BICD1: variants seen among roughly 807,000 people sequenced by gnomAD.
BICD1 encodes the protein BICD cargo adaptor 1.
BICD1 carries 35 observed loss-of-function variants against 92.5 expected under a neutral mutation model. The observed-to-expected ratio is 0.38, with a 90% CI of 0.29 to 0.50. The LOEUF (loss-of-function observed/expected upper bound fraction) is 0.50, where lower values mean the gene tolerates loss of function less well. BICD1 is among the 20% of genes least tolerant of loss of function. BICD1 has a pLI of 0.93. For synonymous variants in BICD1, 429 were observed against 465.1 expected (o/e 0.92, Z 1.00); for missense variants, 950 against 1,189.8 (o/e 0.80, Z 2.97).
intron 1 of BICD1, among the ~76,000 whole-genome samples, chr12:32,180,636 T>C (rs1944243859): frequency 6.6e-6 from 1 of 151,986 alleles, no homozygotes; most frequent in South Asian, 2.1e-4. Flanking sequence ...GCTCTGGTCT[T>C]GTCAGGTTGC....
chr12:32,129,129 T>G (rs1486057065), intron 1 of BICD1, among the ~76,000 whole-genome samples: 2 of 151,878 alleles, frequency 1.3e-5, no homozygotes, highest in Non-Finnish European at 2.9e-5. Flanking sequence ...GAGATGGGGT[T>G]TCACCATGTT....
rs1197214226 is a variant in BICD1 at position 32,328,475 on chromosome 12, A to T, written c.2020A>T (p.Ile674Phe). The T allele has an allele frequency of 2.5e-6, 4 of 1,614,186 alleles. No homozygotes were observed. In the Admixed American group the frequency reaches 6.7e-5, roughly 27 times the overall value. The change falls in exon 5 of 10, where the codon ATC (isoleucine) becomes TTC (phenylalanine). Residue 674 changes from isoleucine to phenylalanine, a missense_variant. This residue lies in a region of BICD1 where 309 missense variants were observed against 499.4 expected (regional missense o/e 0.62). Transcript: ENST00000652176. This position sits in a 1 kb window ranked among gnomAD's most constrained non-coding sequence, Gnocchi z 4.4. ...DKDKEALMEE[I>F]LKLKSLLSTK... The stretch of plus-strand genomic sequence containing the variant: ...AGACAAGGAAGCCTTAATGGAAGAG[A>T]TCCTCAAGCTAAAGTCCCTGCTGAG...
intron 2 of BICD1, among the ~76,000 whole-genome samples, chr12:32,281,867 G>A (rs771276187): frequency 8.5e-5 from 13 of 152,096 alleles, no homozygotes; most frequent in African/African-American, 3.1e-4. Context: ...TACAAGGAGC[G>A]TGCATGGGGT....
At chr12:32,219,520 C>T (rs539758298) in intron 2 of BICD1, among the ~76,000 whole-genome samples, 6 of 152,098 alleles carry the variant, frequency 3.9e-5, no homozygotes, top group African/African-American at 1.4e-4. Context: ...AAGCAATTAT[C>T]ATTAATAATG....
intron 1 of BICD1, among the ~76,000 whole-genome samples, chr12:32,142,423 A>AC (rs1343006068): frequency 2.1e-5 from 1 of 46,714 alleles, no homozygotes; most frequent in African/African-American, 9.8e-5. Flanking sequence ...AAAAAAAAAA[A>AC]AAAAAAAACA....
intron 5 of BICD1, among the ~76,000 whole-genome samples, chr12:32,330,095 C>T (rs148320343): frequency 2.6e-5 from 4 of 152,204 alleles, no homozygotes; most frequent in East Asian, 1.9e-4. Flanking sequence ...GGGAAAACCA[C>T]GCCCTTATTA....
intron 2 of BICD1, among the ~76,000 whole-genome samples, chr12:32,253,211 G>A (rs191746896): frequency 1.9e-3 from 288 of 152,174 alleles, no homozygotes; most frequent in Admixed American, 3.9e-3. Context: ...TTAGCCATTT[G>A]GATTCCTTTT....
rs202119794 is a variant in BICD1, at chr12:32,377,717, G to A, written c.*90G>A. On this transcript the variant is annotated 3_prime_UTR_variant, in exon 10 of 10. Transcript: ENST00000652176. Reference sequence around the variant, plus strand: ...AAGATCCAGCGGGTGTTTTCTTCTCGGTTGTTAGATGTACAATTGGATTAA... The same window carrying A: ...AAGATCCAGCGGGTGTTTTCTTCTCAGTTGTTAGATGTACAATTGGATTAA... 1.2e-5 allele frequency: 14 copies of A among 1,174,202 alleles called. No homozygotes were observed. The highest frequency in any genetic ancestry group is 1.8e-5 in the Non-Finnish European group (14 of 787,922). 72.7% of individuals were successfully genotyped at this position (1,174,202 alleles called of 1,614,324 possible).
chr12:32,336,617 A>C (rs1054611831), intron 6 of BICD1, among the ~76,000 whole-genome samples: 33 of 152,260 alleles, frequency 2.2e-4, no homozygotes, highest in Non-Finnish European at 4.3e-4. Context: ...TATAAACATT[A>C]TTATTTTGGA....
chr12:32,373,669 G>A (rs2733690), intron 9 of BICD1, among the ~76,000 whole-genome samples: 1 of 151,434 alleles, frequency 6.6e-6, no homozygotes, highest in East Asian at 1.9e-4. Flanking sequence ...TCAGGAGTTC[G>A]AGACTGTCAT....
chr12:32,153,174 T>C (rs9630261), intron 1 of BICD1, among the ~76,000 whole-genome samples: 20,515 of 152,120 alleles, frequency 0.13, 1,406 homozygotes, highest in Middle Eastern at 0.16. Flanking sequence ...CGGTATTTGT[T>C]TTTCTTTTCC....
chr12:32,285,232 G>C (rs10844166), intron 2 of BICD1, among the ~76,000 whole-genome samples: 8,317 of 152,124 alleles, frequency 0.055, 744 homozygotes, highest in African/African-American at 0.19. Context: ...AATTGCTTAG[G>C]CTTTTGCGTG....
chr12:32,306,171 G>T (rs2136219351), intron 4 of BICD1, 49 bp downstream of exon 4: 1 of 1,485,612 alleles, frequency 6.7e-7, no homozygotes, highest in Non-Finnish European at 9.0e-7. Context: ...GTAGATTGCA[G>T]GTAGCATGTT....
intron 1 of BICD1, among the ~76,000 whole-genome samples, chr12:32,112,003 T>C (rs1239658604): frequency 2.3e-5 from 3 of 130,984 alleles, no homozygotes; most frequent in Admixed American, 7.4e-5. Context: ...CACTATCCCT[T>C]TTTTTTTTTT....
At position 32,332,883 on chromosome 12, in the gene BICD1, A is replaced by G. The variant is rs1937938588; in HGVS notation, c.2101-1633A>G. 6.1e-6 allele frequency: 6 copies of G among 985,332 alleles called. No homozygotes were observed. The South Asian group carries it at 1.9e-4, about 31-fold the overall frequency. 61.0% of individuals were successfully genotyped at this position (985,332 alleles called of 1,614,324 possible). ...AAGACTTTTTTTATTTAGAAAGTCA[A>G]CTTTGGAATGTGTGGAGAAAGTGGT... On this transcript the variant is annotated intron_variant, in intron 5 of 9. Coordinates refer to ENST00000652176, the MANE Select transcript of BICD1 (RefSeq NM_001714.4).
chr12:32,326,897 A>T (rs261892), intron 4 of BICD1, among the ~76,000 whole-genome samples: 1 of 152,016 alleles, frequency 6.6e-6, no homozygotes, highest in Non-Finnish European at 1.5e-5. Flanking sequence ...AAAGATAAAA[A>T]CTATCAAATG....
chr12:32,223,766 T>G (rs1008489745), intron 2 of BICD1, among the ~76,000 whole-genome samples: 3 of 152,226 alleles, frequency 2.0e-5, no homozygotes, highest in Admixed American at 1.3e-4. Context: ...TTCCTTTCCT[T>G]GAAAGTACGA....
chr12:32,314,586 G>A (rs764785189), intron 4 of BICD1, among the ~76,000 whole-genome samples: 5 of 152,096 alleles, frequency 3.3e-5, no homozygotes, highest in Non-Finnish European at 5.9e-5. Flanking sequence ...GGAAAAATGT[G>A]TATTCAGATT....
At chr12:32,204,897 G>C (rs960316522) in intron 1 of BICD1, among the ~76,000 whole-genome samples, 1 of 152,114 alleles carries the variant, frequency 6.6e-6, no homozygotes, top group Non-Finnish European at 1.5e-5. Context: ...GTTACCCCAC[G>C]CATCATCCCT....
Sources: allele counts gnomAD v4.1 joint callset (sites outside exome capture counted in the v4.1 genomes callset), GRCh38; gene constraint gnomAD v4.1.1; regional missense constraint gnomAD v4.1.1; non-coding constraint Gnocchi (gnomAD v3.1); transcripts MANE v1.5; gene names NCBI Gene and HGNC (gene_info 2026-07-23, HGNC 2026-07-21).